Variants in NELL1 observed in about 807,000 individuals in gnomAD.
NELL1 encodes the protein neural EGFL like 1, also known as protein kinase C-binding protein NELL1.
A neutral mutation model predicts 107.4 loss-of-function variants in NELL1; 76 were observed. That is an observed-to-expected ratio of 0.71 (90% CI 0.59 to 0.86). The LOEUF is 0.86. Ranked by LOEUF, NELL1 falls within the 40% of genes least tolerant of loss-of-function variation. The pLI, the probability that NELL1 is intolerant of heterozygous loss-of-function variation, is 0.00. For missense variants in NELL1, 1,024 were observed against 1,005.5 expected (o/e 1.02, Z -0.25); for synonymous variants, 353 against 341.2 (o/e 1.03, Z -0.38).
intron 12 of NELL1, among the ~76,000 whole-genome samples, chr11:20,994,594 G>A (rs185003757): frequency 6.6e-6 from 1 of 152,238 alleles, no homozygotes; most frequent in East Asian, 1.9e-4. Flanking sequence ...GAAATTTGTA[G>A]GGAAAATGTA....
rs185211292 is a variant in NELL1 at position 20,695,438 on chromosome 11, T to C, written c.184+17378T>C. Among the ~76,000 whole-genome samples the C allele has an allele frequency of 9.2e-5, 14 of 152,254 alleles. No individual in the cohort carries two copies. In the East Asian group the frequency reaches 2.7e-3, roughly 29 times the overall value. On this transcript the variant is annotated intron_variant, in intron 2 of 19. Transcript: ENST00000357134. ...GATGGTGGCTATGGGTTTGCATAGA[T>C]GACTTTTATTATTTTGAGGTATGTT...
chr11:21,232,855 G>A (rs10833480), intron 14 of NELL1, among the ~76,000 whole-genome samples: 6,046 of 152,154 alleles, frequency 0.04, 353 homozygotes, highest in East Asian at 0.31. Flanking sequence ...GTTTCACCAC[G>A]TTGGCCAGGC....
At chr11:20,677,908 A>T (rs745891207) in intron 1 of NELL1, 24 bp from the exon 2 acceptor site, 1 of 1,612,636 alleles carries the variant, frequency 6.2e-7, no homozygotes, top group Non-Finnish European at 8.5e-7. Context: ...TTTTAAGCCC[A>T]AACAACTCTT....
Position 21,575,129 on chromosome 11 carries a change from C to A in NELL1, c.*107C>A. The stretch of plus-strand genomic sequence containing the variant: ...TTTTTTGTTTGTTTTGTTTTTTTAA[C>A]CACAGATAATTGCCAAAGTTTCCAC... On this transcript the variant is annotated 3_prime_UTR_variant, in exon 20 of 20. Coordinates refer to ENST00000357134, the MANE Select transcript of NELL1 (RefSeq NM_006157.5). The A allele has an allele frequency of 9.6e-7, 1 of 1,042,948 alleles. No individual in the cohort carries two copies. Among genetic ancestry groups the A allele is most frequent in the Non-Finnish European group, 1.5e-6 (1 of 685,180 alleles). The allele number at this position is 1,042,948 out of a possible 1,614,324, so 64.6% of individuals were successfully genotyped here. A position where few individuals can be genotyped will look rare whatever the true frequency, so the allele number is the denominator to read the frequency against.
chr11:20,936,225 A>T (rs944624492), intron 9 of NELL1, among the ~76,000 whole-genome samples: 3 of 152,122 alleles, frequency 2.0e-5, no homozygotes, highest in Admixed American at 6.5e-5. Context: ...GGGGGCCAGG[A>T]CTGTGTACCA....
chr11:20,680,961 G>A (rs954032659), intron 2 of NELL1, among the ~76,000 whole-genome samples: 1 of 152,070 alleles, frequency 6.6e-6, no homozygotes, highest in Non-Finnish European at 1.5e-5. Context: ...CCTAGATAAT[G>A]CTGTCTCTAT....
chr11:20,925,675 A>G (rs894467672), intron 7 of NELL1, among the ~76,000 whole-genome samples: 8 of 151,950 alleles, frequency 5.3e-5, no homozygotes, highest in African/African-American at 1.7e-4. Context: ...GGCAGCGTCA[A>G]CTCTTAGTTC....
intron 7 of NELL1, among the ~76,000 whole-genome samples, chr11:20,923,807 A>G (rs973723450): frequency 3.9e-5 from 6 of 152,234 alleles, no homozygotes; most frequent in African/African-American, 1.2e-4. Context: ...TGAGGAATTC[A>G]ATAATGATTT....
chr11:20,783,304 G>A (rs1187219607), intron 2 of NELL1, among the ~76,000 whole-genome samples: 1 of 152,154 alleles, frequency 6.6e-6, no homozygotes, highest in Non-Finnish European at 1.5e-5. Flanking sequence ...CTTATTTACA[G>A]CAACCTAATC....
chr11:21,183,020 G>A (rs1272646115), intron 13 of NELL1, among the ~76,000 whole-genome samples: 7 of 151,836 alleles, frequency 4.6e-5, no homozygotes, highest in Non-Finnish European at 8.8e-5. Flanking sequence ...ACCCATATGG[G>A]CAGAGCCTGA....
chr11:21,337,305 A>G (rs1446467985), intron 14 of NELL1, among the ~76,000 whole-genome samples: 3 of 152,170 alleles, frequency 2.0e-5, no homozygotes, highest in South Asian at 2.1e-4. Flanking sequence ...CATCCATCAC[A>G]TTTGATATGT....
Position 20,918,132 on chromosome 11 carries a change from T to A in NELL1, c.604-50T>A, listed in dbSNP as rs1461939006. 3.0e-6 allele frequency: 3 copies of A among 1,002,676 alleles called. No homozygotes were observed. The Admixed American group carries it at 5.2e-5, about 17-fold the overall frequency. The allele number at this position is 1,002,676 out of a possible 1,614,324, so 62.1% of individuals were successfully genotyped here. A position where few individuals can be genotyped will look rare whatever the true frequency, so the allele number is the denominator to read the frequency against. On this transcript the variant is annotated intron_variant, in intron 5 of 19. Coordinates refer to ENST00000357134, the MANE Select transcript of NELL1 (RefSeq NM_006157.5). Reference sequence around the variant, plus strand: ...AGTATGTGATTGCATAGGGGACATTTGAGCTGGTGACTGTAATCTTGATTG... The same window carrying A: ...AGTATGTGATTGCATAGGGGACATTAGAGCTGGTGACTGTAATCTTGATTG...
intron 15 of NELL1, among the ~76,000 whole-genome samples, chr11:21,479,875 G>A (rs375691898): frequency 1.1e-4 from 16 of 146,892 alleles, no homozygotes; most frequent in African/African-American, 4.0e-4. Flanking sequence ...TTCTCCTTCC[G>A]GTTTTGCACC....
At chr11:21,274,691 C>CAA (rs1324487960) in intron 14 of NELL1, among the ~76,000 whole-genome samples, 16 of 152,262 alleles carry the variant, frequency 1.1e-4, no homozygotes, top group African/African-American at 3.9e-4. Context: ...AAAATTATAA[C>CAA]AAACTGTCTC....
intron 14 of NELL1, among the ~76,000 whole-genome samples, chr11:21,325,135 C>T (rs1182055368): frequency 6.6e-6 from 1 of 152,070 alleles, no homozygotes; most frequent in Non-Finnish European, 1.5e-5. Flanking sequence ...AGTACAAATG[C>T]ACCGATAATT....
intron 2 of NELL1, among the ~76,000 whole-genome samples, chr11:20,773,988 TTCTC>T (rs1032941662): frequency 6.6e-6 from 1 of 151,376 alleles, no homozygotes; most frequent in South Asian, 2.1e-4. Flanking sequence ...CTTTCTTCTC[TTCTC>T]TCTCTCCTTT....
chr11:20,958,325 A>T (rs1851220088), intron 11 of NELL1, among the ~76,000 whole-genome samples: 1 of 152,106 alleles, frequency 6.6e-6, no homozygotes, highest in Non-Finnish European at 1.5e-5. Context: ...AGGTGGGAGG[A>T]TCACTTTAGC....
intron 14 of NELL1, among the ~76,000 whole-genome samples, chr11:21,310,817 A>G (rs1381004685): frequency 6.6e-6 from 1 of 152,032 alleles, no homozygotes. Context: ...GGAAGGGGAG[A>G]AGTCTCAGAA....
rs528904172 is a variant in NELL1 at position 21,311,641 on chromosome 11, C to T, written c.1550-59212C>T. Among the ~76,000 whole-genome samples, 4 of 152,156 alleles carry T rather than the reference C, an allele frequency of 2.6e-5. No individual in the cohort carries two copies. In the South Asian group the frequency reaches 6.2e-4, roughly 24 times the overall value. ...TGTCTCTAGAGCATGTTGAACCTAT[C>T]CTTCATAATGGATAATGCTGAACAT... On this transcript the variant is annotated intron_variant, in intron 14 of 19. Transcript: ENST00000357134.
Sources: allele counts gnomAD v4.1 joint callset (sites outside exome capture counted in the v4.1 genomes callset), GRCh38; gene constraint gnomAD v4.1.1; transcripts MANE v1.5; gene names NCBI Gene and HGNC (gene_info 2026-07-23, HGNC 2026-07-21).